PARD3B: variants seen among roughly 807,000 people sequenced by gnomAD.
PARD3B encodes the protein par-3 family cell polarity regulator beta, also known as partitioning defective 3 homolog B.
A neutral mutation model predicts 130.2 loss-of-function variants in PARD3B; 103 were observed. The ratio of observed to expected loss-of-function variants is 0.79; its 90% CI spans 0.67 to 0.93. The LOEUF is 0.93. Among genes scored for constraint, PARD3B ranks in the 40% least tolerant of loss-of-function variants. PARD3B has a pLI of 0.00. For missense variants in PARD3B, 1,609 were observed against 1,499.2 expected (o/e 1.07, Z -1.21); for synonymous variants, 583 against 553.2 (o/e 1.05, Z -0.76).
At chr2:204,687,897 C>T (rs994294256) in intron 2 of PARD3B, among the ~76,000 whole-genome samples, 1 of 152,164 alleles carries the variant, frequency 6.6e-6, no homozygotes, top group African/African-American at 2.4e-5. Context: ...CCAGCTTCAT[C>T]CAATACCTCA....
chr2:204,735,535 C>T (rs1355758948), intron 2 of PARD3B, among the ~76,000 whole-genome samples: 1 of 151,972 alleles, frequency 6.6e-6, no homozygotes, highest in African/African-American at 2.4e-5. Flanking sequence ...ATGTCAAAAA[C>T]AAACAATAAG....
intron 20 of PARD3B, among the ~76,000 whole-genome samples, chr2:205,484,383 T>A (rs1575134798): frequency 6.6e-6 from 1 of 152,170 alleles, no homozygotes; most frequent in South Asian, 2.1e-4. Context: ...CCTGCCTGCC[T>A]TTTGGCCTTT....
chr2:205,005,259 A>G (rs979357069), intron 3 of PARD3B, among the ~76,000 whole-genome samples: 5 of 152,182 alleles, frequency 3.3e-5, no homozygotes, highest in African/African-American at 7.2e-5. Context: ...AGAAAATAAT[A>G]TAAGTGTGAA....
chr2:205,347,073 AAC>A (rs2043822172), intron 18 of PARD3B, among the ~76,000 whole-genome samples: 1 of 152,124 alleles, frequency 6.6e-6, no homozygotes, highest in Non-Finnish European at 1.5e-5. Context: ...CTTATTCAAA[AAC>A]ACTTCTCCAA....
chr2:204,850,035 CT>C (rs2044645866), intron 2 of PARD3B, among the ~76,000 whole-genome samples: 1 of 152,134 alleles, frequency 6.6e-6, no homozygotes. Context: ...CCATACATGT[CT>C]ACAAGTCTTT....
chr2:205,157,232 A>G lies in PARD3B; in HGVS notation c.1435-1490A>G, dbSNP rs374166864. On this transcript the variant is annotated intron_variant, in intron 10 of 22. Coordinates refer to ENST00000406610, the MANE Select transcript of PARD3B (RefSeq NM_001302769.2). ...TGGATTCTAAATTGGGCATTTTGAA[A>G]GACAAAGGTGAAGGCTAATAGTTTA... Among the ~76,000 whole-genome samples, 16 of 152,370 alleles carry G rather than the reference A, an allele frequency of 1.1e-4. No homozygotes were observed. The East Asian group carries it at 2.9e-3, about 28-fold the overall frequency.
rs1033361093 is a variant in PARD3B at position 205,183,025 on chromosome 2, A to G, written c.1925-2739A>G. 6.6e-6 allele frequency among the ~76,000 whole-genome samples: 1 copy of G among 152,210 alleles called. No homozygotes were observed. The highest frequency in any genetic ancestry group is 1.5e-5 in the Non-Finnish European group (1 of 68,026). On this transcript the variant is annotated intron_variant, in intron 13 of 22. Transcript: ENST00000406610. This position sits in a 1 kb window ranked among gnomAD's most constrained non-coding sequence, Gnocchi z 5.2. The stretch of plus-strand genomic sequence containing the variant: ...CCAGGAAGAGAGGAAGAGCACGGAT[A>G]GAGTGGGCACTGGTCTTCTTGGCCA...
intron 15 of PARD3B, among the ~76,000 whole-genome samples, chr2:205,235,240 A>C (rs2039012385): frequency 6.6e-6 from 1 of 151,974 alleles, no homozygotes; most frequent in African/African-American, 2.4e-5. Flanking sequence ...GGGCAACATG[A>C]CTAGACCCCA....
intron 4 of PARD3B, among the ~76,000 whole-genome samples, chr2:205,064,408 C>T (rs1243710309): frequency 6.6e-6 from 1 of 152,146 alleles, no homozygotes; most frequent in Non-Finnish European, 1.5e-5. Context: ...ACATGCGTGG[C>T]TGCTAAGAAC....
intron 1 of PARD3B, among the ~76,000 whole-genome samples, chr2:204,676,666 G>GTTTTTT (rs59424538): frequency 1.1e-5 from 1 of 92,330 alleles, no homozygotes; most frequent in Admixed American, 1.3e-4. Context: ...CTCTATGATT[G>GTTTTTT]TTTTTTTTTT....
rs377142627 is a variant in PARD3B at position 205,615,482 on chromosome 2, A to G, written c.3287A>G (p.Tyr1096Cys). 5.6e-6 allele frequency: 9 copies of G among 1,610,432 alleles called. No individual in the cohort carries two copies. In the African/African-American group the frequency reaches 6.7e-5, roughly 12 times the overall value. The change falls in exon 23 of 23, where the codon TAT becomes TGT. Residue 1096 changes from tyrosine to cysteine, a missense_variant. By Grantham distance (194) the Tyr-to-Cys change is radical (BLOSUM62 -2). Coordinates refer to ENST00000406610, the MANE Select transcript of PARD3B (RefSeq NM_001302769.2). ...PRGGPADPVD[Y>C]LPAAPRGLYK... The stretch of plus-strand genomic sequence containing the variant: ...GGAGGACCCGCAGATCCTGTAGACT[A>G]TCTGCCAGCAGCACCTCGGGGGCTC...
intron 2 of PARD3B, among the ~76,000 whole-genome samples, chr2:204,863,969 CA>C (rs35352867): frequency 0.02 from 3,005 of 151,684 alleles, 77 homozygotes; most frequent in East Asian, 0.15. Flanking sequence ...TTTATAATTC[CA>C]AAAAAAAGTT....
chr2:205,277,403 A>G (rs1291376512), intron 16 of PARD3B, among the ~76,000 whole-genome samples: 1 of 152,230 alleles, frequency 6.6e-6, no homozygotes, highest in Admixed American at 6.5e-5. Context: ...AAACTTGTGA[A>G]TACTGTACAG....
intron 3 of PARD3B, among the ~76,000 whole-genome samples, chr2:204,968,159 A>G (rs1334757848): frequency 6.6e-6 from 1 of 152,188 alleles, no homozygotes; most frequent in East Asian, 1.9e-4. Context: ...AGCAAATTTA[A>G]TCTTCATTGG....
At chr2:205,113,420 GTGTATTTTAGA>G in intron 5 of PARD3B, 60 bp from the exon 6 acceptor site, 15 of 861,036 alleles carry the variant, frequency 1.7e-5, no homozygotes, top group Non-Finnish European at 2.3e-5. Context: ...GTGTGTGTGT[GTGTATTTTAGA>G]TGTGCTCCCT....
At chr2:205,141,233 C>T (rs1315517124) in intron 10 of PARD3B, among the ~76,000 whole-genome samples, 1 of 152,114 alleles carries the variant, frequency 6.6e-6, no homozygotes, top group Non-Finnish European at 1.5e-5. Flanking sequence ...GAGTATGTTA[C>T]TTTGTGCTTG....
At position 205,333,824 on chromosome 2, in the gene PARD3B, G is replaced by GT. The variant is rs554861328; in HGVS notation, c.2630+32132dup. On this transcript the variant is annotated intron_variant, in intron 18 of 22. Transcript: ENST00000406610. ...TTCCCTCTAAGATGGTGGTGGGCCTGTTTTTTTTTCCTTGTTATTCTGGTA... is the reference window on the plus strand; with the variant it reads ...TTCCCTCTAAGATGGTGGTGGGCCTGTTTTTTTTTTCCTTGTTATTCTGGTA... 3.6e-4 allele frequency among the ~76,000 whole-genome samples: 54 copies of GT among 150,612 alleles called. 1 individual carries two copies. The South Asian group carries it at 8.2e-3, about 23-fold the overall frequency.
chr2:205,449,843 C>T (rs2048037907), intron 20 of PARD3B, among the ~76,000 whole-genome samples: 1 of 152,206 alleles, frequency 6.6e-6, no homozygotes, highest in Admixed American at 6.5e-5. Context: ...AGCAATCTGA[C>T]TCTCAAGGAA....
chr2:204,929,993 GT>G, intron 2 of PARD3B, among the ~76,000 whole-genome samples: 1 of 151,840 alleles, frequency 6.6e-6, no homozygotes, highest in Non-Finnish European at 1.5e-5. Flanking sequence ...AGTAAGACAT[GT>G]TTTTCCTCTT....
Sources: gnomAD v4.1 joint callset for allele counts (sites outside exome capture counted in the v4.1 genomes callset) on GRCh38, gnomAD v4.1.1 for gene constraint, Gnocchi (gnomAD v3.1) non-coding constraint, MANE v1.5 for transcripts, NCBI Gene and HGNC (gene_info 2026-07-23, HGNC 2026-07-21) for gene names.